Variants in HAPLN1 observed in about 807,000 individuals in gnomAD.
HAPLN1 encodes Cartilage link protein.
A neutral mutation model predicts 36.5 loss-of-function variants in HAPLN1; 13 were observed. That is an observed-to-expected ratio of 0.36 (90% CI 0.23 to 0.57). The LOEUF (loss-of-function observed/expected upper bound fraction) is 0.57, where lower values mean the gene tolerates loss of function less well. HAPLN1 is among the 20% of genes least tolerant of loss of function. The probability of loss-of-function intolerance (pLI) is 0.83; values close to 1 mark genes in which losing one functional copy is unlikely to be tolerated. For missense variants in HAPLN1, 407 were observed against 439.7 expected (o/e 0.93, Z 0.66); for synonymous variants, 202 against 169.8 (o/e 1.19, Z -1.48).
intron 1 of HAPLN1, among the ~76,000 whole-genome samples, chr5:83,713,797 T>A (rs1184056630): frequency 6.6e-6 from 1 of 152,206 alleles, no homozygotes; most frequent in Non-Finnish European, 1.5e-5. Flanking sequence ...CTCGTCCACA[T>A]CCAGTCAATG....
chr5:83,678,203 T>G (rs1326505904), intron 1 of HAPLN1, among the ~76,000 whole-genome samples: 1 of 142,896 alleles, frequency 7.0e-6, no homozygotes, highest in Non-Finnish European at 1.5e-5. Context: ...CTCATTTTCC[T>G]TTTTATCTAT....
At chr5:83,717,072 T>G (rs1300820039) in intron 1 of HAPLN1, among the ~76,000 whole-genome samples, 1 of 152,070 alleles carries the variant, frequency 6.6e-6, no homozygotes, top group Non-Finnish European at 1.5e-5. Flanking sequence ...ATGATTAAAC[T>G]TCTACTTTAA....
chr5:83,664,697 A>G (rs72771297), intron 2 of HAPLN1, among the ~76,000 whole-genome samples: 11,941 of 152,144 alleles, frequency 0.078, 673 homozygotes, highest in South Asian at 0.14. Context: ...AAACTTTTAT[A>G]TTTATTATTT....
intron 1 of HAPLN1, among the ~76,000 whole-genome samples, chr5:83,714,774 C>T (rs547680938): frequency 2.6e-5 from 4 of 152,110 alleles, no homozygotes; most frequent in Admixed American, 6.6e-5. Context: ...CATAAGGGCT[C>T]GAAACTGTAG....
intron 4 of HAPLN1, among the ~76,000 whole-genome samples, chr5:83,642,558 A>AAAT (rs541979330): frequency 2.2e-3 from 332 of 152,308 alleles, no homozygotes; most frequent in Non-Finnish European, 2.6e-3. Flanking sequence ...AAAATGTATA[A>AAAT]AATATGACTT....
At chr5:83,647,719 T>C (rs933298149) in intron 3 of HAPLN1, among the ~76,000 whole-genome samples, 2 of 152,206 alleles carry the variant, frequency 1.3e-5, no homozygotes, top group African/African-American at 4.8e-5. Flanking sequence ...CCAAGGAATA[T>C]CTGACTAATT....
intron 1 of HAPLN1, among the ~76,000 whole-genome samples, chr5:83,719,310 C>T (rs1751976177): frequency 1.3e-5 from 2 of 152,196 alleles, no homozygotes; most frequent in South Asian, 4.2e-4. Context: ...TGGGTACATT[C>T]CTCCTGTAGA....
chr5:83,640,960 T>C lies in HAPLN1; in HGVS notation c.*536A>G, dbSNP rs1749669156. ...AGGCAGGATTTTAAAGAGTAAAATA[T>C]TCTGCCTATTAGAGACTTGAAATAT... On this transcript the variant is annotated 3_prime_UTR_variant, in exon 5 of 5. Coordinates refer to ENST00000274341, the MANE Select transcript of HAPLN1 (RefSeq NM_001884.4). 6.6e-6 allele frequency: 1 copy of C among 151,800 alleles called. No homozygotes were observed. Among genetic ancestry groups the C allele is most frequent in the African/African-American group, 2.4e-5 (1 of 41,284 alleles). 9.4% of individuals were successfully genotyped at this position (151,800 alleles called of 1,614,324 possible).
At chr5:83,651,630 C>T (rs1053517447) in intron 3 of HAPLN1, among the ~76,000 whole-genome samples, 7 of 38,244 alleles carry the variant, frequency 1.8e-4, no homozygotes, top group African/African-American at 1.5e-3. Context: ...TTCTAGCAAG[C>T]GTACACTTAG....
At chr5:83,657,925 T>C (rs1284257430) in intron 2 of HAPLN1, among the ~76,000 whole-genome samples, 1 of 152,038 alleles carries the variant, frequency 6.6e-6, no homozygotes, top group Non-Finnish European at 1.5e-5. Context: ...TGTGGTAAAA[T>C]ATATATTTAA....
chr5:83,712,236 C>A (rs1751804318), intron 1 of HAPLN1, among the ~76,000 whole-genome samples: 1 of 151,968 alleles, frequency 6.6e-6, no homozygotes, highest in Non-Finnish European at 1.5e-5. Context: ...GGGTCAAGAT[C>A]CTTTCAGGTA....
chr5:83,709,884 A>T (rs1317295259), intron 1 of HAPLN1, among the ~76,000 whole-genome samples: 1 of 152,216 alleles, frequency 6.6e-6, no homozygotes. Flanking sequence ...AGAGAGGATG[A>T]TAAGGAAGGT....
intron 1 of HAPLN1, among the ~76,000 whole-genome samples, chr5:83,709,972 C>T (rs558397364): frequency 6.6e-6 from 1 of 152,148 alleles, no homozygotes; most frequent in South Asian, 2.1e-4. Context: ...TTTTTGAAAA[C>T]GGAGTGGAGA....
chr5:83,670,275 AAAAGT>A (rs761866867), intron 2 of HAPLN1, among the ~76,000 whole-genome samples: 1 of 152,212 alleles, frequency 6.6e-6, no homozygotes, highest in Non-Finnish European at 1.5e-5. Context: ...CAAAGGATTT[AAAAGT>A]AAAGTAAAGT....
At position 83,649,455 on chromosome 5, in the gene HAPLN1, G is replaced by T. The variant is rs1018627810; in HGVS notation, c.472+2998C>A. ...GTATCTGGTTTTTTTTTGTTTGTTT[G>T]TTTGTTTTTTTGAGACGGAGTCTCG... On this transcript the variant is annotated intron_variant, in intron 3 of 4. Transcript: ENST00000274341. 7.9e-5 allele frequency among the ~76,000 whole-genome samples: 12 copies of T among 151,386 alleles called. No individual in the cohort carries two copies. In the East Asian group the frequency reaches 1.7e-3, roughly 22 times the overall value.
chr5:83,655,242 G>A (rs1750180093), intron 2 of HAPLN1, among the ~76,000 whole-genome samples: 1 of 152,178 alleles, frequency 6.6e-6, no homozygotes, highest in Non-Finnish European at 1.5e-5. Context: ...ATAAATTAAA[G>A]GGTTAAGGCA....
intron 1 of HAPLN1, chr5:83,674,269 T>A (rs1160344068): frequency 1.3e-5 from 2 of 152,152 alleles, no homozygotes; most frequent in Non-Finnish European, 2.9e-5. Context: ...ACGCACCAAC[T>A]TAGAGTGCCA....
At chr5:83,669,888 G>A (rs1750658397) in intron 2 of HAPLN1, among the ~76,000 whole-genome samples, 1 of 152,180 alleles carries the variant, frequency 6.6e-6, no homozygotes, top group South Asian at 2.1e-4. Context: ...GGGATTTGGA[G>A]AGATTAAGTA....
chr5:83,682,053 G>A (rs1054460395), intron 1 of HAPLN1, among the ~76,000 whole-genome samples: 20 of 152,076 alleles, frequency 1.3e-4, no homozygotes, highest in African/African-American at 4.8e-4. Flanking sequence ...ATTTGAAATT[G>A]TTTTTAATTG....
Sources: allele counts gnomAD v4.1 joint callset (sites outside exome capture counted in the v4.1 genomes callset), GRCh38; gene constraint gnomAD v4.1.1; transcripts MANE v1.5; gene names NCBI Gene and HGNC (gene_info 2026-07-23, HGNC 2026-07-21).